PDIA6: variants seen among roughly 807,000 people sequenced by gnomAD.
PDIA6 encodes the protein protein disulfide isomerase family A member 6.
Under a neutral mutation model 58.4 loss-of-function variants are expected in PDIA6, and 29 were observed. The observed-to-expected ratio is 0.50, with a 90% CI of 0.37 to 0.68. PDIA6 has a LOEUF of 0.68. Ranked by LOEUF, PDIA6 falls within the 30% of genes least tolerant of loss-of-function variation. PDIA6 has a pLI of 0.00. For missense variants in PDIA6, 480 were observed against 551.0 expected (o/e 0.87, Z 1.29); for synonymous variants, 192 against 202.6 (o/e 0.95, Z 0.44).
intron 1 of PDIA6, among the ~76,000 whole-genome samples, chr2:10,822,792 G>A (rs1018611222): frequency 2.6e-5 from 4 of 152,200 alleles, no homozygotes; most frequent in Non-Finnish European, 4.4e-5. Flanking sequence ...AACATATGGT[G>A]GCCACTCCAA....
chr2:10,837,219 C>T (rs562083874), upstream of PDIA6, among the ~76,000 whole-genome samples: 17 of 152,304 alleles, frequency 1.1e-4, no homozygotes, highest in Admixed American at 5.9e-4. Flanking sequence ...GCTCCCATGG[C>T]GGCCACGGCC....
Position 10,789,043 on chromosome 2 carries a change from G to C in PDIA6, c.841-62C>G, listed in dbSNP as rs986022149. 4.6e-5 allele frequency: 58 copies of C among 1,247,672 alleles called. 1 individual carries two copies. The highest frequency in any genetic ancestry group is 6.3e-5 in the Non-Finnish European group (53 of 847,156). The allele number at this position is 1,247,672 out of a possible 1,614,324, so 77.3% of individuals were successfully genotyped here. ...TGCATGATACAACACCTAAAGGTAA[G>C]CTGGCAAACAAGACCTTCGCACCGT... On this transcript the variant is annotated intron_variant, in intron 8 of 12. Transcript: ENST00000272227.
At chr2:10,810,751 A>G (rs1666970811) in intron 1 of PDIA6, among the ~76,000 whole-genome samples, 1 of 152,200 alleles carries the variant, frequency 6.6e-6, no homozygotes, top group Non-Finnish European at 1.5e-5. Context: ...AATGCATAAA[A>G]GTAGCCAACA....
intron 6 of PDIA6, among the ~76,000 whole-genome samples, chr2:10,791,237 A>C (rs1303977416): frequency 6.6e-6 from 1 of 151,770 alleles, no homozygotes; most frequent in Non-Finnish European, 1.5e-5. Flanking sequence ...TCTGCCTCCC[A>C]CAATCAAGAG....
intron 1 of PDIA6, among the ~76,000 whole-genome samples, chr2:10,822,688 G>A (rs1417610537): frequency 6.6e-6 from 1 of 152,228 alleles, no homozygotes; most frequent in Non-Finnish European, 1.5e-5. Flanking sequence ...CATCTAATAA[G>A]TCAAACAGGT....
chr2:10,832,446 G>GA, exon 1 of PDIA6: 2 of 985,446 alleles, frequency 2.0e-6, no homozygotes, highest in Non-Finnish European at 2.4e-6. Flanking sequence ...TTTGAAGCAC[G>GA]AGGCCAGGAG....
At chr2:10,825,220 T>C (rs1163123701) in intron 1 of PDIA6, among the ~76,000 whole-genome samples, 3 of 151,870 alleles carry the variant, frequency 2.0e-5, no homozygotes, top group African/African-American at 7.3e-5. Flanking sequence ...CTTGCGATCA[T>C]GTGAGTTAAT....
upstream of PDIA6, among the ~76,000 whole-genome samples, chr2:10,834,436 G>A (rs1298841190): frequency 3.4e-5 from 5 of 147,966 alleles, no homozygotes; most frequent in African/African-American, 1.0e-4. Flanking sequence ...CTTCCACGGA[G>A]GCCTGGCCTC....
Position 10,806,648 on chromosome 2 carries a change from A to C in PDIA6, c.20-4008T>G, listed in dbSNP as rs79201445. Among the ~76,000 whole-genome samples, 22 of 46,248 alleles carry C rather than the reference A, an allele frequency of 4.8e-4. 6 individuals are homozygous for C. Among genetic ancestry groups the C allele is most frequent in the Middle Eastern group, 0.036 (2 of 56 alleles). 30.3% of individuals were successfully genotyped at this position (46,248 alleles called of 152,430 possible). On this transcript the variant is annotated intron_variant, in intron 1 of 12. Transcript: ENST00000272227. Reference sequence around the variant, plus strand: ...AAAGACAGAAAGAAAGAAAGAAAGAAAAACGTTACAGTAAATTAAGGTTAA... The same window carrying C: ...AAAGACAGAAAGAAAGAAAGAAAGACAAACGTTACAGTAAATTAAGGTTAA...
chr2:10,809,291 G>A (rs1208620130), intron 1 of PDIA6, among the ~76,000 whole-genome samples: 1 of 152,090 alleles, frequency 6.6e-6, no homozygotes, highest in Non-Finnish European at 1.5e-5. Context: ...TTTCACTGCT[G>A]CAGAAAAGGT....
intron 12 of PDIA6, 50 bp from the exon 13 acceptor site, chr2:10,784,376 G>A (rs991715041): frequency 3.8e-5 from 55 of 1,464,086 alleles, no homozygotes; most frequent in African/African-American, 5.6e-5. Context: ...GGGACACCCT[G>A]GAAGGTCAAC....
intron 4 of PDIA6, among the ~76,000 whole-genome samples, chr2:10,793,463 G>C (rs1274302307): frequency 1.3e-5 from 2 of 152,192 alleles, no homozygotes; most frequent in African/African-American, 4.8e-5. Context: ...TGCCCAGGCT[G>C]GAGTACAGTG....
At chr2:10,809,571 C>A (rs1346529213) in intron 1 of PDIA6, among the ~76,000 whole-genome samples, 3 of 135,342 alleles carry the variant, frequency 2.2e-5, no homozygotes, top group Non-Finnish European at 4.6e-5. Context: ...TAGGGTGCAT[C>A]TGTAGCCGCA....
chr2:10,812,604 G>A (rs1422607858), intron 1 of PDIA6, 74 bp downstream of exon 1: 47 of 1,395,826 alleles, frequency 3.4e-5, no homozygotes, highest in Non-Finnish European at 3.8e-5. Flanking sequence ...GGCCCGCCGG[G>A]GAACGGCCTA....
At chr2:10,829,803 T>C (rs994992320) in intron 1 of PDIA6, among the ~76,000 whole-genome samples, 1 of 152,214 alleles carries the variant, frequency 6.6e-6, no homozygotes, top group African/African-American at 2.4e-5. Flanking sequence ...CTGAAGTCCA[T>C]CCCTGGATTC....
upstream of PDIA6, chr2:10,837,464 G>A: frequency 1.5e-6 from 1 of 681,054 alleles, no homozygotes; most frequent in Non-Finnish European, 2.7e-6. Flanking sequence ...TGAAGCCAGG[G>A]AGAGGTTGGT....
rs375705255 is a variant in PDIA6, at chr2:10,787,434, A to T, written c.1004T>A (p.Leu335Gln). Reference protein sequence around the residue: ...DKYKKKMWGWLWTEAGAQSEL... With the variant: ...DKYKKKMWGWQWTEAGAQSEL... Reference sequence around the variant, plus strand: ...AGACTGGGCTCCAGCTTCTGTCCACAGCCACCTAGAAAACCAGACTGGTTT... The same window carrying T: ...AGACTGGGCTCCAGCTTCTGTCCACTGCCACCTAGAAAACCAGACTGGTTT... Residue 335 changes from leucine to glutamine, a missense_variant, in exon 11 of 13, where the codon CTG (leucine) becomes CAG (glutamine). Transcript: ENST00000272227. The T allele has an allele frequency of 5.0e-6, 8 of 1,610,314 alleles. No homozygotes were observed. Among genetic ancestry groups the T allele is most frequent in the African/African-American group, 1.3e-5 (1 of 74,820 alleles).
intron 1 of PDIA6, among the ~76,000 whole-genome samples, chr2:10,812,061 A>C (rs1270485842): frequency 6.6e-6 from 1 of 151,886 alleles, no homozygotes; most frequent in Non-Finnish European, 1.5e-5. Context: ...CTGGCGCGCG[A>C]CACCACGCCC....
At chr2:10,789,723 G>T (rs753289974) in intron 8 of PDIA6, 26 bp downstream of exon 8, 2 of 1,608,156 alleles carry the variant, frequency 1.2e-6, no homozygotes, top group African/African-American at 2.7e-5. Flanking sequence ...AAGCTTTCTG[G>T]ACTACAAGCA....
Sources: gnomAD v4.1 joint callset for allele counts (sites outside exome capture counted in the v4.1 genomes callset) on GRCh38, gnomAD v4.1.1 for gene constraint, MANE v1.5 for transcripts, NCBI Gene and HGNC (gene_info 2026-07-23, HGNC 2026-07-21) for gene names.